Variants in P2RX1 observed in about 807,000 individuals in gnomAD.
The protein encoded by P2RX1 is purinergic receptor P2X 1, also known as P2X purinoceptor 1.
A neutral mutation model predicts 50.3 loss-of-function variants in P2RX1; 42 were observed. The ratio of observed to expected loss-of-function variants is 0.83; its 90% CI spans 0.65 to 1.08. The LOEUF is 1.08. Ranked by LOEUF, P2RX1 falls within the 50% of genes least tolerant of loss-of-function variation. The pLI is 0.00. For synonymous variants in P2RX1, 199 were observed against 202.6 expected, an observed-to-expected ratio of 0.98 and a Z score of 0.15; for missense variants, 449 against 529.0, an observed-to-expected ratio of 0.85 and a Z score of 1.48.
At chr17:3,904,958 G>A in intron 2 of P2RX1, 29 bp from the exon 3 acceptor site, 1 of 1,257,038 alleles carries the variant, frequency 8.0e-7, no homozygotes, top group East Asian at 2.4e-5. Context: ...GGGAGGGTGG[G>A]GTGGGCTGGG....
At position 3,914,134 on chromosome 17, in the gene P2RX1, G is replaced by A. The variant is rs899884203; in HGVS notation, c.137+1955C>T. On this transcript the variant is annotated intron_variant, in intron 1 of 11. Coordinates refer to ENST00000225538, the MANE Select transcript of P2RX1 (RefSeq NM_002558.4). This position sits in a 1 kb window ranked among gnomAD's most constrained non-coding sequence, Gnocchi z 4.1. ...TTCCTTCCACCCTCTGCTGTGTGAC[G>A]TGGGCAGGCCAGTGCCCTCTCTCTG... 1.3e-5 allele frequency among the ~76,000 whole-genome samples: 2 copies of A among 152,294 alleles called. No individual in the cohort carries two copies. The highest frequency in any genetic ancestry group is 2.9e-5 in the Non-Finnish European group (2 of 68,032).
rs550905798 is a variant in P2RX1, at chr17:3,913,189, T to TG, written c.137+2899dup. 3.4e-3 allele frequency among the ~76,000 whole-genome samples: 509 copies of TG among 149,076 alleles called. 1 individual carries two copies. Among genetic ancestry groups the TG allele is most frequent in the Admixed American group, 8.5e-3 (125 of 14,718 alleles). ...CTCTGTCACTCAGGCTGGAGTGCAA[T>TG]GGGGCAATCTCAGCTCCACTCTGCC... On this transcript the variant is annotated intron_variant, in intron 1 of 11. Transcript: ENST00000225538.
intron 1 of P2RX1, chr17:3,915,423 G>A (rs762735940): frequency 8.8e-6 from 4 of 456,092 alleles, no homozygotes; most frequent in South Asian, 4.7e-5. Context: ...CTTGGCTCCC[G>A]AGACAACCAT....
chr17:3,906,390 C>T (rs1464744293), intron 1 of P2RX1, among the ~76,000 whole-genome samples: 1 of 152,188 alleles, frequency 6.6e-6, no homozygotes. Flanking sequence ...CTCGGCCTCC[C>T]AAAGTGCTGG....
At chr17:3,907,983 C>T (rs1258044946) in intron 1 of P2RX1, among the ~76,000 whole-genome samples, 1 of 152,194 alleles carries the variant, frequency 6.6e-6, no homozygotes, top group Admixed American at 6.5e-5. Flanking sequence ...CTATCTTTGC[C>T]CAAAACGAAC....
At chr17:3,907,150 A>G (rs2056279842) in intron 1 of P2RX1, among the ~76,000 whole-genome samples, 1 of 152,158 alleles carries the variant, frequency 6.6e-6, no homozygotes, top group African/African-American at 2.4e-5. Context: ...AGTTACGTAA[A>G]CCAATAAATG....
At chr17:3,908,851 T>C (rs2056313549) in intron 1 of P2RX1, among the ~76,000 whole-genome samples, 1 of 152,156 alleles carries the variant, frequency 6.6e-6, no homozygotes, top group Non-Finnish European at 1.5e-5. Context: ...TCCCCAGCTG[T>C]GTGGCTTCAG....
chr17:3,897,533 G>C lies in P2RX1; in HGVS notation c.*281C>G. On this transcript the variant is annotated 3_prime_UTR_variant, in exon 12 of 12. Coordinates refer to ENST00000225538, the MANE Select transcript of P2RX1 (RefSeq NM_002558.4). ...GTCCGGAGAGAGAAGCACGAAGCTA[G>C]GGTGCAGGTGTGTGGGAGGGTCCTG... 1.8e-6 allele frequency: 1 copy of C among 557,398 alleles called. No homozygotes were observed. The highest frequency in any genetic ancestry group is 3.2e-6 in the Non-Finnish European group (1 of 309,428). 34.5% of individuals were successfully genotyped at this position (557,398 alleles called of 1,614,324 possible).
intron 1 of P2RX1, among the ~76,000 whole-genome samples, chr17:3,908,709 C>A (rs1414512853): frequency 6.6e-6 from 1 of 152,216 alleles, no homozygotes; most frequent in Non-Finnish European, 1.5e-5. Context: ...AGCCTCTCCC[C>A]TTCCAGAAAT....
intron 1 of P2RX1, 176 bp downstream of exon 1, chr17:3,915,913 C>G: frequency 1.2e-6 from 1 of 813,134 alleles, no homozygotes; most frequent in East Asian, 2.7e-5. Flanking sequence ...GGCCTCGTCC[C>G]CATCTCAACA....
chr17:3,898,086 G>T lies in P2RX1; in HGVS notation c.1057C>A (p.Leu353Met). 6.2e-7 allele frequency: 1 copy of T among 1,613,616 alleles called. No individual in the cohort carries two copies. Among genetic ancestry groups the T allele is most frequent in the Non-Finnish European group, 8.5e-7 (1 of 1,179,924 alleles). ...TGCCTCTTAGGCAGGATGTGAAGCA[G>T]CAGCAGGTCACAGAGAACTGTGGCC... ...GVATVLCDLL[L>M]LHILPKRHYY... The change falls in exon 11 of 12, where the codon CTG becomes ATG. Residue 353 changes from leucine to methionine, a missense_variant. By Grantham distance (15) the Leu-to-Met change is conservative. Coordinates refer to ENST00000225538, the MANE Select transcript of P2RX1 (RefSeq NM_002558.4).
chr17:3,905,335 G>GGCC lies in P2RX1; in HGVS notation c.169_170insGGC (p.Thr57delinsArgPro). 1.2e-6 allele frequency: 2 copies of GGCC among 1,613,894 alleles called. No individual in the cohort carries two copies. Among genetic ancestry groups the GGCC allele is most frequent in the Non-Finnish European group, 1.7e-6 (2 of 1,180,030 alleles). ...GACACTGCTGATGAGGCCGCTCGAG[G>GGCC]TCTGGTAGCCCTTCTCATAGAGAAA... On this transcript the variant is annotated protein_altering_variant, in exon 2 of 12. Coordinates refer to ENST00000225538, the MANE Select transcript of P2RX1 (RefSeq NM_002558.4).
At chr17:3,901,704 A>G (rs2056149251) in intron 7 of P2RX1, among the ~76,000 whole-genome samples, 2 of 152,212 alleles carry the variant, frequency 1.3e-5, no homozygotes, top group African/African-American at 2.4e-5. Flanking sequence ...TGAACAGGCA[A>G]CTGCAAGGGC....
chr17:3,904,266 G>C lies in P2RX1; in HGVS notation c.427+64C>G. The C allele has an allele frequency of 2.0e-6, 3 of 1,478,666 alleles. No homozygotes were observed. In the South Asian group the frequency reaches 3.4e-5, roughly 17 times the overall value. 91.6% of individuals were successfully genotyped at this position (1,478,666 alleles called of 1,614,324 possible). On this transcript the variant is annotated intron_variant, in intron 4 of 11. Transcript: ENST00000225538. ...GAGAGGCAGGTCAGCACCAAGCTGG[G>C]CCTGCAGGACGTCAGGGACCGCAGC...
Position 3,898,110 on chromosome 17 carries a change from C to G in P2RX1, c.1033G>C (p.Ala345Pro). Residue 345 changes from alanine (A) to proline (P), a missense_variant and splice_region_variant, in exon 11 of 12, where the codon GCC (alanine) becomes CCC (proline). Coordinates refer to ENST00000225538, the MANE Select transcript of P2RX1 (RefSeq NM_002558.4). ...IGSGIGIFGV[A>P]TVLCDLLLLH... ...AGCAGCAGGTCACAGAGAACTGTGG[C>G]CTGGGGTCAGGGAAGGGCACGGAGA... The G allele has an allele frequency of 6.2e-7, 1 of 1,613,338 alleles. No individual in the cohort carries two copies. Among genetic ancestry groups the G allele is most frequent in the Non-Finnish European group, 8.5e-7 (1 of 1,179,786 alleles).
intron 1 of P2RX1, among the ~76,000 whole-genome samples, chr17:3,905,866 A>T (rs1293819396): frequency 1.4e-5 from 2 of 145,720 alleles, no homozygotes; most frequent in African/African-American, 4.9e-5. Flanking sequence ...AAAAAAAAAA[A>T]AAGGAAAGAA....
intron 2 of P2RX1, 34 bp from the exon 3 acceptor site, chr17:3,904,963 G>GGGGGGGGGGGGGGGGGGGGGGGGGGC: frequency 9.2e-6 from 4 of 435,250 alleles, no homozygotes; most frequent in South Asian, 1.6e-5. Context: ...GGTGGGGTGG[G>GGGGGGGGGGGGGGGGGGGGGGGGGGC]CTGGGAGCTG....
chr17:3,904,991 GC>G, intron 2 of P2RX1, 62 bp from the exon 3 acceptor site: 1 of 1,277,488 alleles, frequency 7.8e-7, no homozygotes, highest in Non-Finnish European at 1.1e-6. Context: ...AGCCCCAAGG[GC>G]CCCACCGCTG....
Position 3,899,682 on chromosome 17 carries a change from A to G in P2RX1, c.827T>C (p.Phe276Ser). ...HVRHCRPIYE[F>S]HGLYEEKNLS... Reference sequence around the variant, plus strand: ...ATTTTTCTCTTCGTACAGCCCATGGAACTCATAGATGGGTCTGCAGTGCCG... The same window carrying G: ...ATTTTTCTCTTCGTACAGCCCATGGGACTCATAGATGGGTCTGCAGTGCCG... The change falls in exon 8 of 12, where the codon TTC becomes TCC. Residue 276 changes from phenylalanine (F) to serine (S), a missense_variant. Transcript: ENST00000225538. 6.2e-7 allele frequency: 1 copy of G among 1,613,978 alleles called. No individual in the cohort carries two copies. The highest frequency in any genetic ancestry group is 1.1e-5 in the South Asian group (1 of 91,082).
Sources: gnomAD v4.1 joint callset for allele counts (sites outside exome capture counted in the v4.1 genomes callset) on GRCh38, gnomAD v4.1.1 for gene constraint, Gnocchi (gnomAD v3.1) non-coding constraint, MANE v1.5 for transcripts, NCBI Gene and HGNC (gene_info 2026-07-23, HGNC 2026-07-21) for gene names.